RRAGB: variants seen among roughly 807,000 people sequenced by gnomAD.
The protein encoded by RRAGB is Ras related GTP binding B.
RRAGB carries 6 observed loss-of-function variants against 29.3 expected under a neutral mutation model. That is an observed-to-expected ratio of 0.21 (90% CI 0.11 to 0.40). RRAGB has a LOEUF of 0.40. Among genes scored for constraint, RRAGB ranks in the 10% least tolerant of loss-of-function variants. The pLI, the probability that RRAGB is intolerant of heterozygous loss-of-function variation, is 1.00. For synonymous variants in RRAGB, 101 were observed against 92.5 expected, an observed-to-expected ratio of 1.09 and a Z score of -0.53; for missense variants, 184 against 272.9, an observed-to-expected ratio of 0.67 and a Z score of 2.29.
rs1166235434 is a variant in RRAGB, at chrX:55,731,768, G to A, written c.516+182G>A. On this transcript the variant is annotated intron_variant, in intron 5 of 9. Transcript: ENST00000374941. ...TTAAACACATTTTCAATAAGGGAAA[G>A]ATTTATTAGTAAATAATTTTCAGAA... The A allele has an allele frequency of 1.5e-5, 6 of 390,175 alleles. No homozygotes were observed. The South Asian group carries it at 3.3e-4, about 22-fold the overall frequency. The allele number at this position is 390,175 out of a possible 1,213,427, so 32.2% of individuals were successfully genotyped here.
intron 5 of RRAGB, among the ~76,000 whole-genome samples, chrX:55,734,423 A>C (rs1161946013): frequency 1.8e-5 from 2 of 110,941 alleles, no homozygotes; most frequent in Non-Finnish European, 3.8e-5. Flanking sequence ...AGAAGTGTTC[A>C]TAGTAGTCTC....
chrX:55,747,812 G>GCTCCCCCTCCCT (rs2034294450), intron 5 of RRAGB, among the ~76,000 whole-genome samples: 1 of 81,215 alleles, frequency 1.2e-5, no homozygotes, highest in Non-Finnish European at 2.7e-5. Context: ...GATTATTCTC[G>GCTCCCCCTCCCT]CTCCCTCTCC....
chrX:55,735,616 G>A (rs1305328353), intron 5 of RRAGB, among the ~76,000 whole-genome samples: 1 of 112,093 alleles, frequency 8.9e-6, no homozygotes, highest in Non-Finnish European at 1.9e-5. Context: ...TACATTCAAT[G>A]TTAATATTGA....
At chrX:55,733,914 A>G (rs1170045055) in intron 5 of RRAGB, among the ~76,000 whole-genome samples, 1 of 104,719 alleles carries the variant, frequency 9.5e-6, no homozygotes, top group Non-Finnish European at 2.0e-5. Context: ...TTGGCTATGA[A>G]TCTATCTGGT....
intron 5 of RRAGB, among the ~76,000 whole-genome samples, chrX:55,747,252 G>A (rs2034276324): frequency 8.9e-6 from 1 of 112,447 alleles, no homozygotes; most frequent in Non-Finnish European, 1.9e-5. Context: ...AGCTTCATCA[G>A]GATCTTCCCA....
chrX:55,719,728 C>G (rs1253665864), intron 2 of RRAGB, among the ~76,000 whole-genome samples: 1 of 112,003 alleles, frequency 8.9e-6, no homozygotes, highest in East Asian at 2.8e-4. Flanking sequence ...ATACACACAC[C>G]ATACAGGCCT....
In RRAGB at chrX:55,747,441, T is replaced by C. The variant is rs750792463; in HGVS notation, c.517-3660T>C. ...TCTGCAGCTATAGGGGGTAAGAGTT[T>C]TTTTTCAGGGCAGTCATAGAAACTT... On this transcript the variant is annotated intron_variant, in intron 5 of 9. Transcript: ENST00000374941. Among the ~76,000 whole-genome samples, 9 of 111,970 alleles carry C rather than the reference T, an allele frequency of 8.0e-5. No homozygotes were observed. The East Asian group carries it at 2.3e-3, about 28-fold the overall frequency.
intron 7 of RRAGB, among the ~76,000 whole-genome samples, chrX:55,753,787 G>A (rs2034585463): frequency 8.9e-6 from 1 of 112,611 alleles, no homozygotes; most frequent in South Asian, 3.6e-4. Flanking sequence ...GCTCACGCCT[G>A]TAATCCCAGC....
chrX:55,731,581 G>T lies in RRAGB; in HGVS notation c.511G>T (p.Asp171Tyr). ...GGATCTGGTACAGGAGGATCAACGG[G>T]ACCTGGTAAGAAACAGAAGAAGTGC... Reference protein sequence around the residue: ...KMDLVQEDQRDLIFKEREEDL... With the variant: ...KMDLVQEDQRYLIFKEREEDL... The change falls in exon 5 of 10, where the codon GAC becomes TAC. Residue 171 changes from aspartate to tyrosine, a missense_variant. Coordinates refer to ENST00000374941, the MANE Select transcript of RRAGB (RefSeq NM_006064.5). The T allele has an allele frequency of 8.5e-7, 1 of 1,171,924 alleles. No homozygotes were observed. Among genetic ancestry groups the T allele is most frequent in the Non-Finnish European group, 1.2e-6 (1 of 864,975 alleles).
intron 5 of RRAGB, chrX:55,731,839 T>C (rs2033691446): frequency 1.4e-5 from 4 of 287,035 alleles, no homozygotes; most frequent in Admixed American, 5.8e-5. Flanking sequence ...CAGCATTTAT[T>C]TATTTTTAAA....
intron 5 of RRAGB, among the ~76,000 whole-genome samples, chrX:55,740,714 A>G (rs918224997): frequency 3.6e-5 from 4 of 111,685 alleles, no homozygotes; most frequent in African/African-American, 1.3e-4. Context: ...TTCTGTGACC[A>G]GTGCTGGCTG....
chrX:55,749,974 C>A (rs1476750648), intron 5 of RRAGB, among the ~76,000 whole-genome samples: 1 of 103,394 alleles, frequency 9.7e-6, no homozygotes, highest in Admixed American at 1.1e-4. Flanking sequence ...TGTTTATCTG[C>A]TGACCTTCCC....
At chrX:55,735,845 T>G (rs924101660) in intron 5 of RRAGB, among the ~76,000 whole-genome samples, 1 of 112,488 alleles carries the variant, frequency 8.9e-6, no homozygotes, top group Admixed American at 9.4e-5. Context: ...TGGGAGAGAC[T>G]TCATTTCTCT....
chrX:55,740,751 C>T (rs910956801), intron 5 of RRAGB, among the ~76,000 whole-genome samples: 6 of 111,483 alleles, frequency 5.4e-5, no homozygotes, highest in Non-Finnish European at 1.1e-4. Context: ...TGGTGCGTCT[C>T]GTTGATTTGC....
rs1451043177 is a variant in RRAGB at position 55,748,929 on chromosome X, C to T, written c.517-2172C>T. 3.0e-5 allele frequency among the ~76,000 whole-genome samples: 3 copies of T among 98,507 alleles called. No homozygotes were observed. In the Admixed American group the frequency reaches 3.1e-4, roughly 10 times the overall value. 85.5% of individuals were successfully genotyped at this position (98,507 alleles called of 115,157 possible). On this transcript the variant is annotated intron_variant, in intron 5 of 9. Coordinates refer to ENST00000374941, the MANE Select transcript of RRAGB (RefSeq NM_006064.5). ...GGGAGGTGGGGGGGTCAGCCCCCCG[C>T]CCGGCCAGCTGCCCCGTCCGGGAGG...
intron 3 of RRAGB, among the ~76,000 whole-genome samples, chrX:55,722,975 C>T (rs966173042): frequency 1.8e-5 from 2 of 110,345 alleles, no homozygotes; most frequent in Non-Finnish European, 3.8e-5. Context: ...AGGGAAAGGC[C>T]ACCCACTACT....
intron 6 of RRAGB, chrX:55,752,461 T>A: frequency 4.5e-6 from 2 of 445,407 alleles, no homozygotes; most frequent in Non-Finnish European, 5.6e-6. Flanking sequence ...CCCTCATGCC[T>A]AAGTAATAAA....
chrX:55,748,437 G>C (rs753031848), intron 5 of RRAGB, among the ~76,000 whole-genome samples: 3 of 105,370 alleles, frequency 2.8e-5, no homozygotes, highest in African/African-American at 1.1e-4. Context: ...GCCTCTTCCC[G>C]GCCGCCATCC....
At chrX:55,751,544 T>A (rs2034527758) in intron 6 of RRAGB, 1 of 135,811 alleles carries the variant, frequency 7.4e-6, no homozygotes, top group Non-Finnish European at 1.4e-5. Context: ...TATCTAGTAT[T>A]CAGGTACTTC....
Sources: gnomAD v4.1 joint callset for allele counts (sites outside exome capture counted in the v4.1 genomes callset) on GRCh38, gnomAD v4.1.1 for gene constraint, MANE v1.5 for transcripts, NCBI Gene and HGNC (gene_info 2026-07-23, HGNC 2026-07-21) for gene names.